Variants in CNOT6L observed in about 807,000 individuals in gnomAD.
CNOT6L encodes the protein CCR4-NOT transcription complex subunit 6 like, also known as CCR4-NOT transcription complex subunit 6-like.
Under a neutral mutation model 64.0 loss-of-function variants are expected in CNOT6L, and 7 were observed. That is an observed-to-expected ratio of 0.11 (90% confidence interval 0.06 to 0.21). The LOEUF (loss-of-function observed/expected upper bound fraction) is 0.21. Among genes scored for constraint, CNOT6L ranks in the 10% least tolerant of loss-of-function variants. CNOT6L has a pLI of 1.00. For synonymous variants in CNOT6L, 193 were observed against 243.4 expected (o/e 0.79, Z 1.93); for missense variants, 245 against 669.0 (o/e 0.37, Z 6.99).
Position 77,772,972 on chromosome 4 carries a change from A to G in CNOT6L, c.400+109T>C, listed in dbSNP as rs190992365. ...AAAAACTACTTTTCTTTCAAGAGAA[A>G]GTACACGTAGTCACATTCTAAAACT... is the stretch of plus-strand genomic sequence containing the variant. On this transcript the variant is annotated intron_variant, in intron 4 of 11. Transcript: ENST00000504123. 1.5e-5 allele frequency: 10 copies of G among 660,908 alleles called. No homozygotes were observed. In the Admixed American group the frequency reaches 2.7e-4, roughly 18 times the overall value. 40.9% of individuals were successfully genotyped at this position (660,908 alleles called of 1,614,324 possible).
intron 4 of CNOT6L, among the ~76,000 whole-genome samples, chr4:77,768,111 T>G (rs144484163): frequency 6.6e-6 from 1 of 152,088 alleles, no homozygotes; most frequent in Non-Finnish European, 1.5e-5. Flanking sequence ...TTTCTGTTAT[T>G]AACAACACAC....
intron 1 of CNOT6L, among the ~76,000 whole-genome samples, chr4:77,789,634 TG>T (rs1729873202): frequency 6.6e-6 from 1 of 150,518 alleles, no homozygotes; most frequent in African/African-American, 2.5e-5. Context: ...CACTCCAGCC[TG>T]GGCGACAGAG....
At chr4:77,765,849 G>A (rs1167694507) in intron 4 of CNOT6L, among the ~76,000 whole-genome samples, 1 of 152,136 alleles carries the variant, frequency 6.6e-6, no homozygotes, top group Admixed American at 6.5e-5. Flanking sequence ...AAGACTAGTA[G>A]CTTTTCGCTA....
At chr4:77,794,912 A>G (rs1024060859) in intron 1 of CNOT6L, among the ~76,000 whole-genome samples, 1 of 152,198 alleles carries the variant, frequency 6.6e-6, no homozygotes, top group African/African-American at 2.4e-5. Flanking sequence ...AGAATTAATG[A>G]ATAGATTTAA....
At chr4:77,788,604 T>G (rs995199253) in intron 1 of CNOT6L, among the ~76,000 whole-genome samples, 16 of 152,096 alleles carry the variant, frequency 1.1e-4, no homozygotes, top group African/African-American at 3.6e-4. Context: ...GGCATGTGCC[T>G]GTAGTCCCAG....
At chr4:77,813,165 C>T (rs976511816) in intron 1 of CNOT6L, among the ~76,000 whole-genome samples, 4 of 152,096 alleles carry the variant, frequency 2.6e-5, no homozygotes, top group African/African-American at 9.7e-5. Flanking sequence ...TATTAGACTT[C>T]TACAACAGAC....
intron 6 of CNOT6L, among the ~76,000 whole-genome samples, chr4:77,745,818 G>A (rs1242267259): frequency 2.6e-5 from 4 of 152,210 alleles, no homozygotes; most frequent in African/African-American, 9.6e-5. Flanking sequence ...ACATGGTTGA[G>A]AATCACTTAT....
At chr4:77,804,576 G>A (rs941857050) in intron 1 of CNOT6L, among the ~76,000 whole-genome samples, 1 of 151,938 alleles carries the variant, frequency 6.6e-6, no homozygotes, top group Non-Finnish European at 1.5e-5. Context: ...CATAGAGACA[G>A]AAAGTAGACC....
intron 4 of CNOT6L, among the ~76,000 whole-genome samples, chr4:77,764,812 G>A (rs1726643030): frequency 6.6e-6 from 1 of 152,036 alleles, no homozygotes; most frequent in Non-Finnish European, 1.5e-5. Context: ...GAATATCATC[G>A]CCCCTGTTCA....
intron 1 of CNOT6L, among the ~76,000 whole-genome samples, chr4:77,785,790 G>A (rs1311707193): frequency 6.6e-6 from 1 of 152,062 alleles, no homozygotes; most frequent in Non-Finnish European, 1.5e-5. Context: ...ACAAAACAAG[G>A]GGGATTAAAA....
At chr4:77,725,443 CA>C (rs1469556525) in intron 11 of CNOT6L, among the ~76,000 whole-genome samples, 1 of 152,176 alleles carries the variant, frequency 6.6e-6, no homozygotes, top group African/African-American at 2.4e-5. Context: ...AGCAGAGCTA[CA>C]GGTACACAGA....
chr4:77,750,752 T>A (rs1414545093), intron 5 of CNOT6L, among the ~76,000 whole-genome samples: 1 of 152,144 alleles, frequency 6.6e-6, no homozygotes, highest in Non-Finnish European at 1.5e-5. Context: ...TACTATCACA[T>A]ACAATAAATA....
Position 77,775,016 on chromosome 4 carries a change from T to G in CNOT6L, c.128-300A>C, listed in dbSNP as rs1577971812. Among the ~76,000 whole-genome samples, 8 of 152,276 alleles carry G rather than the reference T, an allele frequency of 5.3e-5. No homozygotes were observed. In the South Asian group the frequency reaches 1.7e-3, roughly 32 times the overall value. ...TGAGTAGTTCTCAACCAGAGGCAAT[T>G]TTGTTTCCTCAAAGGATTTTGGAAT... is the stretch of plus-strand genomic sequence containing the variant. On this transcript the variant is annotated intron_variant, in intron 2 of 11. Transcript: ENST00000504123.
chr4:77,820,189 A>G (rs1355947774), upstream of CNOT6L, among the ~76,000 whole-genome samples: 3 of 152,074 alleles, frequency 2.0e-5, no homozygotes, highest in African/African-American at 4.8e-5. Flanking sequence ...TCCGGGCGAT[A>G]TCGGTATTGA....
rs1731620166 is a variant in CNOT6L, at chr4:77,801,838, A to G, written c.5+17466T>C. ...CAGGAGCCCGAGGCTATAGCAAACT[A>G]TGGTCACATCTGTGAATAGCCACTG... On this transcript the variant is annotated intron_variant, in intron 1 of 11. Coordinates refer to ENST00000504123, the MANE Select transcript of CNOT6L (RefSeq NM_144571.3). Among the ~76,000 whole-genome samples, 4 of 152,142 alleles carry G rather than the reference A, an allele frequency of 2.6e-5. 1 individual carries two copies. In the South Asian group the frequency reaches 8.3e-4, roughly 32 times the overall value.
intron 1 of CNOT6L, among the ~76,000 whole-genome samples, chr4:77,814,539 TACTC>T (rs370222963): frequency 6.6e-6 from 1 of 152,190 alleles, no homozygotes; most frequent in Non-Finnish European, 1.5e-5. Flanking sequence ...TTATTTCCCT[TACTC>T]ACAAACTATA....
At chr4:77,775,428 A>AT (rs1411031844) in intron 2 of CNOT6L, among the ~76,000 whole-genome samples, 1 of 152,222 alleles carries the variant, frequency 6.6e-6, no homozygotes, top group East Asian at 1.9e-4. Context: ...ATAACTTTAA[A>AT]TTTTGTAATA....
intron 1 of CNOT6L, among the ~76,000 whole-genome samples, chr4:77,789,972 A>T (rs1216507396): frequency 2.0e-5 from 2 of 97,614 alleles, no homozygotes; most frequent in South Asian, 3.3e-4. Context: ...AAAAAAAAAA[A>T]AAAAAAAATT....
rs113809332 is a variant in CNOT6L at position 77,732,414 on chromosome 4, A to G, written c.873-876T>C. Among the ~76,000 whole-genome samples the G allele has an allele frequency of 5.0e-3, 757 of 152,194 alleles. 5 individuals carry two copies. The highest frequency in any genetic ancestry group is 0.017 in the African/African-American group (692 of 41,562). On this transcript the variant is annotated intron_variant, in intron 8 of 11. Transcript: ENST00000504123. ...AAAACCTACTAAATACATTACTTGC[A>G]CTAGGTGTTCAGTGGAGAGAAGACA...
Sources: gnomAD v4.1 joint callset for allele counts (sites outside exome capture counted in the v4.1 genomes callset) on GRCh38, gnomAD v4.1.1 for gene constraint, MANE v1.5 for transcripts, NCBI Gene and HGNC (gene_info 2026-07-23, HGNC 2026-07-21) for gene names.